NEGR1: variants seen among roughly 807,000 people sequenced by gnomAD.
NEGR1 encodes the protein neuronal growth regulator 1, also known as IgLON family member 4.
Under a neutral mutation model 40.9 loss-of-function variants are expected in NEGR1, and 10 were observed. That is an observed-to-expected ratio of 0.24 (90% CI 0.15 to 0.42). NEGR1 has a LOEUF of 0.42. Ranked by LOEUF, NEGR1 falls within the 10% of genes least tolerant of loss-of-function variation. The pLI is 1.00. For missense variants in NEGR1, 352 were observed against 438.9 expected (o/e 0.80, Z 1.77); for synonymous variants, 185 against 166.8 (o/e 1.11, Z -0.84).
intron 1 of NEGR1, among the ~76,000 whole-genome samples, chr1:72,022,477 C>T (rs936220979): frequency 2.0e-5 from 3 of 149,204 alleles, no homozygotes; most frequent in African/African-American, 7.3e-5. Context: ...TTATAAAAAG[C>T]ATAGTAAACC....
chr1:71,465,272 A>T (rs1646737995), intron 6 of NEGR1, among the ~76,000 whole-genome samples: 1 of 152,084 alleles, frequency 6.6e-6, no homozygotes, highest in South Asian at 2.1e-4. Flanking sequence ...TAGATGCTGA[A>T]GATATAGCAG....
chr1:71,547,182 T>G (rs1286984790), intron 6 of NEGR1, among the ~76,000 whole-genome samples: 1 of 151,754 alleles, frequency 6.6e-6, no homozygotes, highest in African/African-American at 2.4e-5. Flanking sequence ...GGAAAACTCT[T>G]TATGAATAGC....
intron 2 of NEGR1, among the ~76,000 whole-genome samples, chr1:71,797,881 A>C (rs1423440418): frequency 6.6e-6 from 1 of 152,016 alleles, no homozygotes; most frequent in Non-Finnish European, 1.5e-5. Flanking sequence ...TTTATCGAAT[A>C]TCTTTAGAAA....
chr1:71,976,695 A>T (rs988221167), intron 1 of NEGR1, among the ~76,000 whole-genome samples: 1 of 152,060 alleles, frequency 6.6e-6, no homozygotes, highest in Non-Finnish European at 1.5e-5. Flanking sequence ...TTATTGTGCA[A>T]TTTTTTTATA....
At chr1:72,054,831 C>T in intron 1 of NEGR1, among the ~76,000 whole-genome samples, 1 of 151,146 alleles carries the variant, frequency 6.6e-6, no homozygotes, top group South Asian at 2.1e-4. Context: ...CTATTTCTTT[C>T]TCTGCATTAG....
intron 2 of NEGR1, among the ~76,000 whole-genome samples, chr1:71,782,460 C>A (rs1656751040): frequency 6.6e-6 from 1 of 152,120 alleles, no homozygotes; most frequent in South Asian, 2.1e-4. Context: ...ATACTCATTT[C>A]TTGTGATAGT....
rs140240567 is a variant in NEGR1 at position 71,881,468 on chromosome 1, G to A, written c.409+53611C>T. 6.0e-3 allele frequency among the ~76,000 whole-genome samples: 910 copies of A among 152,052 alleles called. 5 individuals are homozygous for A. Among genetic ancestry groups the A allele is most frequent in the Non-Finnish European group, 0.011 (728 of 67,908 alleles). On this transcript the variant is annotated intron_variant, in intron 2 of 6. Coordinates refer to ENST00000357731, the MANE Select transcript of NEGR1 (RefSeq NM_173808.3). ...TGTTTGGCAAGGTTCAACTCAATTAGGCTTTTGCACAGATTTCTACATCTA... is the reference window on the plus strand; with the variant it reads ...TGTTTGGCAAGGTTCAACTCAATTAAGCTTTTGCACAGATTTCTACATCTA...
chr1:72,231,568 G>A (rs1033506951), intron 1 of NEGR1, among the ~76,000 whole-genome samples: 1 of 152,070 alleles, frequency 6.6e-6, no homozygotes. Flanking sequence ...AATTATTGAT[G>A]TCATGATTTA....
chr1:72,273,164 T>C lies in NEGR1; in HGVS notation c.176+9155A>G, dbSNP rs139660884. On this transcript the variant is annotated intron_variant, in intron 1 of 6. Coordinates refer to ENST00000357731, the MANE Select transcript of NEGR1 (RefSeq NM_173808.3). ...CAATACACTGTGGTTTATAAAGTAC[T>C]GCTGACCTACCTCTAGGAGATGGTT... 3.9e-3 allele frequency among the ~76,000 whole-genome samples: 588 copies of C among 152,152 alleles called. 4 individuals are homozygous for C. The highest frequency in any genetic ancestry group is 0.014 in the African/African-American group (564 of 41,534).
intron 6 of NEGR1, among the ~76,000 whole-genome samples, chr1:71,433,545 G>A (rs931803581): frequency 3.3e-5 from 5 of 152,188 alleles, no homozygotes; most frequent in African/African-American, 4.8e-5. Flanking sequence ...TGAAGGCTTC[G>A]GAATCATGGC....
intron 6 of NEGR1, among the ~76,000 whole-genome samples, chr1:71,524,024 A>AT (rs1291011246): frequency 6.6e-6 from 1 of 151,774 alleles, no homozygotes; most frequent in Non-Finnish European, 1.5e-5. Context: ...TGCTTTTGCT[A>AT]TTTCAAAATT....
intron 6 of NEGR1, among the ~76,000 whole-genome samples, chr1:71,446,634 A>G (rs1227359491): frequency 6.6e-6 from 1 of 152,210 alleles, no homozygotes; most frequent in Admixed American, 6.5e-5. Flanking sequence ...TATGCTGTGT[A>G]TGTTCATAAT....
rs142195472 is a variant in NEGR1, at chr1:72,081,267, C to T, written c.177-145956G>A. On this transcript the variant is annotated intron_variant, in intron 1 of 6. Transcript: ENST00000357731. ...GAGTAAATGGATAGGACATGCCCTC[C>T]TCAAGTCTTGCCCTATCTAATGAGG... 2.0e-5 allele frequency among the ~76,000 whole-genome samples: 3 copies of T among 152,142 alleles called. No homozygotes were observed. In the East Asian group the frequency reaches 5.8e-4, roughly 29 times the overall value.
chr1:72,040,735 T>C (rs1646946084), intron 1 of NEGR1, among the ~76,000 whole-genome samples: 1 of 151,800 alleles, frequency 6.6e-6, no homozygotes, highest in East Asian at 1.9e-4. Context: ...AAATGAAATA[T>C]GTGACTAAGG....
At chr1:72,192,870 T>C (rs952341267) in intron 1 of NEGR1, among the ~76,000 whole-genome samples, 10 of 151,892 alleles carry the variant, frequency 6.6e-5, no homozygotes, top group African/African-American at 2.4e-4. Context: ...TCTTTTTCTA[T>C]GTGTAATACT....
At chr1:71,755,517 C>G (rs946365880) in intron 3 of NEGR1, among the ~76,000 whole-genome samples, 2 of 152,166 alleles carry the variant, frequency 1.3e-5, no homozygotes, top group East Asian at 3.8e-4. Context: ...CTTGATCTGT[C>G]CAGCCCCAAC....
At chr1:72,187,563 T>C (rs1043459028) in intron 1 of NEGR1, among the ~76,000 whole-genome samples, 2 of 151,478 alleles carry the variant, frequency 1.3e-5, no homozygotes, top group Non-Finnish European at 3.0e-5. Flanking sequence ...TTTCTTTTTC[T>C]TTTGTATTGA....
intron 1 of NEGR1, among the ~76,000 whole-genome samples, chr1:72,257,194 C>T (rs1348550940): frequency 2.0e-5 from 3 of 150,246 alleles, no homozygotes; most frequent in East Asian, 3.9e-4. Context: ...TAGTGGCGGG[C>T]GCCTGTAGTC....
chr1:72,073,451 C>T (rs563768912), intron 1 of NEGR1, among the ~76,000 whole-genome samples: 6 of 152,102 alleles, frequency 3.9e-5, no homozygotes, highest in South Asian at 2.1e-4. Flanking sequence ...ATCTGTGCAA[C>T]GATCTATTTT....
Sources: gnomAD v4.1 joint callset for allele counts (sites outside exome capture counted in the v4.1 genomes callset) on GRCh38, gnomAD v4.1.1 for gene constraint, MANE v1.5 for transcripts, NCBI Gene and HGNC (gene_info 2026-07-23, HGNC 2026-07-21) for gene names.